Variants in BTK observed in about 807,000 individuals in gnomAD.
BTK encodes Bruton tyrosine kinase.
BTK carries 5 observed loss-of-function variants against 57.4 expected under a neutral mutation model. The ratio of observed to expected loss-of-function variants is 0.09; its 90% CI spans 0.05 to 0.18. The LOEUF (loss-of-function observed/expected upper bound fraction) is 0.18, where lower values mean the gene tolerates loss of function less well. Ranked by LOEUF, BTK falls within the 10% of genes least tolerant of loss-of-function variation. The pLI is 1.00. For missense variants in BTK, 194 were observed against 501.2 expected (o/e 0.39, Z 5.85); for synonymous variants, 154 against 174.3 (o/e 0.88, Z 0.92).
In BTK at chrX:101,385,990, C is replaced by T. The variant is rs1418056279; in HGVS notation, c.-31+72G>A. ...ATAAATGGCACCAGCCATGCTGTCT[C>T]TCTGGTTTTTAGGGGTCCCAAGCAA... On this transcript the variant is annotated intron_variant, in intron 1 of 18. Transcript: ENST00000308731. The T allele has an allele frequency of 6.3e-5, 7 of 111,578 alleles. No homozygotes were observed. In the South Asian group the frequency reaches 1.1e-3, roughly 18 times the overall value. The allele number at this position is 111,578 out of a possible 1,213,427, so 9.2% of individuals were successfully genotyped here.
At chrX:101,353,120 G>A (rs1926349518) in intron 18 of BTK, 74 bp downstream of exon 18, 1 of 973,493 alleles carries the variant, frequency 1.0e-6, no homozygotes, top group Non-Finnish European at 1.5e-6. Flanking sequence ...ATCAGTCTTT[G>A]GTGGCTGAAT....
chrX:101,378,616 G>T (rs918918619), intron 1 of BTK, among the ~76,000 whole-genome samples: 9 of 110,478 alleles, frequency 8.1e-5, no homozygotes, highest in Non-Finnish European at 1.7e-4. Flanking sequence ...AATAGACACA[G>T]AGCTCTTCAT....
chrX:101,370,628 A>C (rs1926995600), intron 4 of BTK, among the ~76,000 whole-genome samples: 1 of 111,834 alleles, frequency 8.9e-6, no homozygotes, highest in Non-Finnish European at 1.9e-5. Flanking sequence ...AACCTACTTC[A>C]AAAAGGGTAA....
rs1369956306 is a variant in BTK at position 101,357,725 on chromosome X, T to C, written c.1103-142A>G. 4 of 537,110 alleles carry C rather than the reference T, an allele frequency of 7.4e-6. No homozygotes were observed. In the East Asian group the frequency reaches 1.4e-4, roughly 19 times the overall value. 44.3% of individuals were successfully genotyped at this position (537,110 alleles called of 1,213,427 possible). Reference sequence around the variant, plus strand: ...CAGAAGACCTCCATGAACCCACATATTTCCAGAGGTTTCTCCTCTCACAAA... The same window carrying C: ...CAGAAGACCTCCATGAACCCACATACTTCCAGAGGTTTCTCCTCTCACAAA... On this transcript the variant is annotated intron_variant, in intron 12 of 18. Transcript: ENST00000308731.
intron 16 of BTK, 143 bp downstream of exon 16, chrX:101,354,487 G>A: frequency 1.6e-6 from 1 of 636,057 alleles, no homozygotes; most frequent in Non-Finnish European, 2.5e-6. Flanking sequence ...TAACTCAGAG[G>A]AAGAAAAAGA....
intron 1 of BTK, among the ~76,000 whole-genome samples, chrX:101,380,284 T>C (rs1368592499): frequency 9.0e-6 from 1 of 111,080 alleles, no homozygotes; most frequent in East Asian, 2.8e-4. Flanking sequence ...TTTTTAATTT[T>C]TTTGTAGAGA....
intron 12 of BTK, chrX:101,358,034 A>G (rs1471377344): frequency 2.2e-6 from 1 of 459,237 alleles, no homozygotes; most frequent in Admixed American, 2.8e-5. Context: ...AGTACACAGT[A>G]GGAACTCAAT....
At chrX:101,374,733 G>T in intron 2 of BTK, 99 bp from the exon 3 acceptor site, 1 of 754,664 alleles carries the variant, frequency 1.3e-6, no homozygotes, top group Non-Finnish European at 2.0e-6. Flanking sequence ...AAAGTGAGGT[G>T]GCACCAGGAC....
Position 101,356,478 on chromosome X carries a change from C to A in BTK, c.1350-210G>T, listed in dbSNP as rs1108401. The A allele has an allele frequency of 1.1e-3, 495 of 451,106 alleles. 6 individuals are homozygous for A. The African/African-American group carries it at 0.012, about 10-fold the overall frequency. 37.2% of individuals were successfully genotyped at this position (451,106 alleles called of 1,213,427 possible). A position where few individuals can be genotyped will look rare whatever the true frequency, so the allele number is the denominator to read the frequency against. On this transcript the variant is annotated intron_variant, in intron 14 of 18. Coordinates refer to ENST00000308731, the MANE Select transcript of BTK (RefSeq NM_000061.3). ...TGGAGCCCATCAATTGAAAAAGAAA[C>A]AAGTCCAGGAATGAAAGAACGCTAA...
At position 101,353,051 on chromosome X, in the gene BTK, G is replaced by A; in HGVS notation, c.1908+143C>T. ...ACTGTACTCCAACCTGGGTGAAAGA[G>A]CGAGACCTTGTCTCAAATTAAAAAA... is the stretch of plus-strand genomic sequence containing the variant. On this transcript the variant is annotated intron_variant, in intron 18 of 18. Coordinates refer to ENST00000308731, the MANE Select transcript of BTK (RefSeq NM_000061.3). 1.7e-5 allele frequency: 10 copies of A among 592,723 alleles called. No homozygotes were observed. In the South Asian group the frequency reaches 1.8e-4, roughly 10 times the overall value. The allele number at this position is 592,723 out of a possible 1,213,427, so 48.8% of individuals were successfully genotyped here. A position where few individuals can be genotyped will look rare whatever the true frequency, so the allele number is the denominator to read the frequency against.
chrX:101,357,391 G>C (rs1472630622), intron 13 of BTK, 118 bp downstream of exon 13: 1 of 659,955 alleles, frequency 1.5e-6, no homozygotes, highest in Non-Finnish European at 2.5e-6. Context: ...TGTCTTGAGC[G>C]TCCTTGAGGC....
upstream of BTK, chrX:101,390,476 A>G (rs996678287): frequency 1.9e-6 from 1 of 515,066 alleles, no homozygotes; most frequent in Non-Finnish European, 3.5e-6. Flanking sequence ...AGATTACTGT[A>G]CCTCTCCCCC....
chrX:101,356,196 A>G lies in BTK; in HGVS notation c.1422T>C (p.Thr474=). 8.3e-7 allele frequency: 1 copy of G among 1,211,887 alleles called. No individual in the cohort carries two copies. Among genetic ancestry groups the G allele is most frequent in the Non-Finnish European group, 1.1e-6 (1 of 895,521 alleles). ...CTKQRPIFII[T]EYMANGCLLN... is the part of the protein sequence containing the mutation. ...GGAGGCAGCCATTGGCCATGTACTC[A>G]GTGATGATGAAGATGGGGCGCTGCT... The change falls in exon 15 of 19, where the codon ACT becomes ACC. Residue 474 remains threonine (T), a synonymous_variant. Transcript: ENST00000308731.
At position 101,353,454 on chromosome X, in the gene BTK, C is replaced by T. The variant is rs1926367060; in HGVS notation, c.1751-103G>A. On this transcript the variant is annotated intron_variant, in intron 17 of 18. Transcript: ENST00000308731. ...TCAAAGATTAGAATCAGTTGGTTCCCCGCTCTGTGCTTTTTATATTTTGCC... is the reference window on the plus strand; with the variant it reads ...TCAAAGATTAGAATCAGTTGGTTCCTCGCTCTGTGCTTTTTATATTTTGCC... 1.1e-5 allele frequency: 10 copies of T among 884,907 alleles called. No homozygotes were observed. In the South Asian group the frequency reaches 1.8e-4, roughly 16 times the overall value. 72.9% of individuals were successfully genotyped at this position (884,907 alleles called of 1,213,427 possible).
intron 7 of BTK, among the ~76,000 whole-genome samples, chrX:101,361,830 G>A (rs1267188949): frequency 8.9e-6 from 1 of 112,083 alleles, no homozygotes; most frequent in East Asian, 2.8e-4. Context: ...GGGAGGCGGA[G>A]GTTGCAGTGA....
At chrX:101,374,272 T>A (rs1024306892) in intron 3 of BTK, 21 of 335,143 alleles carry the variant, frequency 6.3e-5, no homozygotes, top group Non-Finnish European at 1.1e-4. Context: ...ATAAAATCAA[T>A]GATCTCTGAC....
chrX:101,381,435 T>C (rs1446255707), intron 1 of BTK, among the ~76,000 whole-genome samples: 2 of 111,813 alleles, frequency 1.8e-5, no homozygotes, highest in African/African-American at 6.5e-5. Flanking sequence ...CTATCTCTAG[T>C]GGGAGGTTAA....
chrX:101,362,807 C>T (rs1880771594), intron 5 of BTK, 118 bp from the exon 6 acceptor site: 1 of 1,020,575 alleles, frequency 9.8e-7, no homozygotes. Context: ...CTTGGCCACC[C>T]TGAAGGAGAG....
At chrX:101,353,041 G>A in intron 18 of BTK, 153 bp downstream of exon 18, 1 of 546,584 alleles carries the variant, frequency 1.8e-6, no homozygotes, top group Non-Finnish European at 2.9e-6. Flanking sequence ...ACTCCAACCT[G>A]GGTGAAAGAG....
Sources: gnomAD v4.1 joint callset for allele counts (sites outside exome capture counted in the v4.1 genomes callset) on GRCh38, gnomAD v4.1.1 for gene constraint, MANE v1.5 for transcripts, NCBI Gene and HGNC (gene_info 2026-07-23, HGNC 2026-07-21) for gene names.